PANK2: variants seen among roughly 807,000 people sequenced by gnomAD.
The protein encoded by PANK2 is pantothenate kinase 2.
PANK2 carries 36 observed loss-of-function variants against 43.1 expected under a neutral mutation model. That is an observed-to-expected ratio of 0.84 (90% CI 0.64 to 1.10). PANK2 has a LOEUF of 1.10. Ranked by LOEUF, PANK2 falls within the 50% of genes least tolerant of loss-of-function variation. The pLI is 0.00. For missense variants in PANK2, 576 were observed against 593.3 expected (o/e 0.97, Z 0.30); for synonymous variants, 281 against 238.2 (o/e 1.18, Z -1.66).
chr20:3,890,945 T>C (rs2090113240), intron 1 of PANK2, among the ~76,000 whole-genome samples: 1 of 152,234 alleles, frequency 6.6e-6, no homozygotes, highest in Non-Finnish European at 1.5e-5. Context: ...ATGCAAAATA[T>C]GAGATCCTTC....
At chr20:3,896,595 G>C (rs1358058707) in intron 1 of PANK2, among the ~76,000 whole-genome samples, 1 of 152,076 alleles carries the variant, frequency 6.6e-6, no homozygotes, top group African/African-American at 2.4e-5. Context: ...CTCCTCTCCA[G>C]CCTCTGGGGA....
intron 2 of PANK2, 138 bp from the exon 3 acceptor site, chr20:3,910,439 T>C: frequency 3.0e-6 from 3 of 986,466 alleles, no homozygotes; most frequent in Non-Finnish European, 4.7e-6. Context: ...AAATCTGTTC[T>C]GTAAAGCATG....
intron 1 of PANK2, among the ~76,000 whole-genome samples, chr20:3,892,349 A>C (rs538505570): frequency 6.8e-6 from 1 of 147,528 alleles, no homozygotes; most frequent in African/African-American, 2.4e-5. Context: ...TCAAAAAAAA[A>C]ACAAAAAAAA....
intron 1 of PANK2, among the ~76,000 whole-genome samples, chr20:3,899,598 G>C (rs1387368826): frequency 6.6e-6 from 1 of 151,110 alleles, no homozygotes; most frequent in Non-Finnish European, 1.5e-5. Flanking sequence ...CCTGAGGTCT[G>C]TGTCATTCTC....
At chr20:3,912,392 A>C (rs1212600759) in intron 3 of PANK2, 66 bp from the exon 4 acceptor site, 81 of 1,553,996 alleles carry the variant, frequency 5.2e-5, no homozygotes, top group Non-Finnish European at 7.0e-5. Context: ...GGGGTTCATA[A>C]ATGTTAACTT....
At chr20:3,917,197 C>A (rs976511637) in intron 5 of PANK2, 147 bp downstream of exon 5, 3 of 900,966 alleles carry the variant, frequency 3.3e-6, no homozygotes, top group African/African-American at 1.7e-5. Context: ...TCTTCAAATA[C>A]AGATTAATCT....
At chr20:3,901,139 C>T (rs574408535) in intron 1 of PANK2, among the ~76,000 whole-genome samples, 1 of 152,002 alleles carries the variant, frequency 6.6e-6, no homozygotes, top group East Asian at 1.9e-4. Context: ...GCTCACTAGC[C>T]TCAAACTCTT....
At position 3,923,862 on chromosome 20, in the gene PANK2, C is replaced by T. The variant is rs1401250642; in HGVS notation, c.*568C>T. 1 of 156,466 alleles carries T rather than the reference C, an allele frequency of 6.4e-6. No homozygotes were observed. Among genetic ancestry groups the T allele is most frequent in the Non-Finnish European group, 1.4e-5 (1 of 70,524 alleles). 9.7% of individuals were successfully genotyped at this position (156,466 alleles called of 1,614,324 possible). Reference sequence around the variant, plus strand: ...AGCAGTTTTTGGAAGGGCAGTTCCACGTTACTTTACACTAAATCCTGGGAA... The same window carrying T: ...AGCAGTTTTTGGAAGGGCAGTTCCATGTTACTTTACACTAAATCCTGGGAA... On this transcript the variant is annotated 3_prime_UTR_variant, in exon 7 of 7. Transcript: ENST00000610179.
intron 1 of PANK2, among the ~76,000 whole-genome samples, chr20:3,895,474 C>A (rs564003610): frequency 8.8e-5 from 12 of 135,722 alleles, no homozygotes; most frequent in African/African-American, 3.3e-4. Context: ...CAGAGGGAGA[C>A]CCTGTCTCCG....
At chr20:3,914,043 C>A (rs1422246835) in intron 4 of PANK2, among the ~76,000 whole-genome samples, 1 of 152,000 alleles carries the variant, frequency 6.6e-6, no homozygotes, top group Non-Finnish European at 1.5e-5. Flanking sequence ...CCCGCCTTGG[C>A]CTCCCAAAGT....
intron 1 of PANK2, among the ~76,000 whole-genome samples, chr20:3,896,643 A>G (rs1216589741): frequency 6.6e-6 from 1 of 152,022 alleles, no homozygotes; most frequent in Non-Finnish European, 1.5e-5. Flanking sequence ...TCACCAGTGG[A>G]CAGTGATTTA....
At chr20:3,892,996 T>G (rs372225921) in intron 1 of PANK2, among the ~76,000 whole-genome samples, 3 of 152,186 alleles carry the variant, frequency 2.0e-5, no homozygotes, top group African/African-American at 7.2e-5. Context: ...AAGATTGATT[T>G]TAAAATGATG....
chr20:3,902,891 G>A (rs988148618), intron 1 of PANK2, among the ~76,000 whole-genome samples: 1 of 151,106 alleles, frequency 6.6e-6, no homozygotes, highest in Admixed American at 6.7e-5. Flanking sequence ...TTATAACAGC[G>A]TCTTTAATGT....
At chr20:3,915,576 G>A (rs1485861919) in intron 4 of PANK2, among the ~76,000 whole-genome samples, 1 of 152,182 alleles carries the variant, frequency 6.6e-6, no homozygotes, top group Non-Finnish European at 1.5e-5. Flanking sequence ...GATTACAGGC[G>A]TGAGCCACCA....
At position 3,928,607 on chromosome 20, in the gene PANK2, A is replaced by T. The variant is rs2090763785; in HGVS notation, c.*5313A>T. 6.6e-6 allele frequency: 1 copy of T among 151,752 alleles called. No individual in the cohort carries two copies. Among genetic ancestry groups the T allele is most frequent in the Non-Finnish European group, 1.5e-5 (1 of 67,934 alleles). The allele number at this position is 151,752 out of a possible 1,614,324, so 9.4% of individuals were successfully genotyped here. Reference sequence around the variant, plus strand: ...TCCGTCTGTACTAAAAATACAAAAAATTAGCCGAGCGTGGTGGCGGGCACC... The same window carrying T: ...TCCGTCTGTACTAAAAATACAAAAATTTAGCCGAGCGTGGTGGCGGGCACC... On this transcript the variant is annotated 3_prime_UTR_variant, in exon 7 of 7. Coordinates refer to ENST00000610179, the MANE Select transcript of PANK2 (RefSeq NM_001386393.1).
chr20:3,910,296 T>G (rs76865676), intron 2 of PANK2, among the ~76,000 whole-genome samples: 125 of 39,314 alleles, frequency 3.2e-3, no homozygotes, highest in Admixed American at 0.029. Context: ...AATGCTGTGG[T>G]TTTTTTTTTT....
At chr20:3,896,804 G>A (rs2090217088) in intron 1 of PANK2, among the ~76,000 whole-genome samples, 1 of 152,150 alleles carries the variant, frequency 6.6e-6, no homozygotes, top group Non-Finnish European at 1.5e-5. Context: ...TGTACTATGC[G>A]TCTCTTCCTC....
intron 1 of PANK2, among the ~76,000 whole-genome samples, chr20:3,893,119 T>C (rs1042280586): frequency 2.0e-5 from 3 of 152,178 alleles, no homozygotes; most frequent in Admixed American, 2.0e-4. Flanking sequence ...ATAGCTATCC[T>C]GTGAGGTAGG....
At chr20:3,903,118 T>A (rs1361706424) in intron 1 of PANK2, among the ~76,000 whole-genome samples, 1 of 149,360 alleles carries the variant, frequency 6.7e-6, no homozygotes, top group Non-Finnish European at 1.5e-5. Context: ...TGCTTTCAGA[T>A]GTAAAAATGA....
Sources: allele counts gnomAD v4.1 joint callset (sites outside exome capture counted in the v4.1 genomes callset), GRCh38; gene constraint gnomAD v4.1.1; transcripts MANE v1.5; gene names NCBI Gene and HGNC (gene_info 2026-07-23, HGNC 2026-07-21).